The following KCTD17 variants were observed in gnomAD, a reference collection of about 807,000 sequenced individuals.
KCTD17 encodes BTB/POZ domain-containing protein KCTD17.
In KCTD17, 20 loss-of-function variants were observed where a neutral mutation model predicts 41.5. That is an observed-to-expected ratio of 0.48 (90% CI 0.34 to 0.70). The LOEUF (loss-of-function observed/expected upper bound fraction) is 0.70, where lower values mean the gene tolerates loss of function less well. KCTD17 is among the 30% of genes least tolerant of loss of function. The probability of loss-of-function intolerance (pLI) is 0.01; values close to 1 mark genes in which losing one functional copy is unlikely to be tolerated. For synonymous variants in KCTD17, 156 were observed against 173.8 expected (o/e 0.90, Z 0.80); for missense variants, 317 against 427.2 (o/e 0.74, Z 2.27).
At chr22:37,055,893 CCTT>C (rs1426621932) in intron 2 of KCTD17, among the ~76,000 whole-genome samples, 1 of 152,194 alleles carries the variant, frequency 6.6e-6, no homozygotes, top group African/African-American at 2.4e-5. Flanking sequence ...GAAAGTACCT[CCTT>C]CTAGTTCTGA....
intron 3 of KCTD17, among the ~76,000 whole-genome samples, chr22:37,056,919 C>CT (rs1925190360): frequency 6.6e-6 from 1 of 152,008 alleles, no homozygotes; most frequent in Non-Finnish European, 1.5e-5. Flanking sequence ...AAGAGATTTT[C>CT]CGCCTACTCT....
In KCTD17 at chr22:37,053,308, G is replaced by A; in HGVS notation, c.298+100G>A. The A allele has an allele frequency of 1.1e-6, 1 of 890,034 alleles. No homozygotes were observed. The highest frequency in any genetic ancestry group is 2.1e-5 in the Admixed American group (1 of 47,170). 55.1% of individuals were successfully genotyped at this position (890,034 alleles called of 1,614,324 possible). A position where few individuals can be genotyped will look rare whatever the true frequency, so the allele number is the denominator to read the frequency against. ...GGACAACCAGGACGGCCATCTGCCT[G>A]CTTGGTTGTTTCCTGCCTCTTCCCA... On this transcript the variant is annotated intron_variant, in intron 2 of 8. Coordinates refer to ENST00000403888, the MANE Select transcript of KCTD17 (RefSeq NM_001282684.2). The surrounding 1 kb of genome is among the most constrained non-coding windows in gnomAD (Gnocchi z 4.1).
Position 37,059,348 on chromosome 22 carries a change from C to T in KCTD17, c.522C>T (p.Ser174=), listed in dbSNP as rs577803443. 1.5e-5 allele frequency: 25 copies of T among 1,613,198 alleles called. No individual in the cohort carries two copies. The highest frequency in any genetic ancestry group is 6.6e-5 in the South Asian group (6 of 91,078). ...VNIGSSYNYG[S]EDQAEFLCVV... ...TCGGCTCCTCCTACAACTACGGCAG[C>T]GAGGACCAGGCAGAGTTCCTGTGTG... Residue 174 remains serine, a synonymous_variant, in exon 5 of 9, where the codon AGC becomes AGT. Coordinates refer to ENST00000403888, the MANE Select transcript of KCTD17 (RefSeq NM_001282684.2).
Position 37,062,660 on chromosome 22 carries a change from GCCT to G in KCTD17, c.*71_*73del, listed in dbSNP as rs1180334134. 4.5e-6 allele frequency: 7 copies of G among 1,564,366 alleles called. No individual in the cohort carries two copies. The highest frequency in any genetic ancestry group is 6.1e-6 in the Non-Finnish European group (7 of 1,154,190). On this transcript the variant is annotated 3_prime_UTR_variant, in exon 9 of 9. Coordinates refer to ENST00000403888, the MANE Select transcript of KCTD17 (RefSeq NM_001282684.2). ...AGAAGGAAGAAGCACCCTCTCCCCGGCCTCCTCTGTCTGCACCCGTGGGGCTGT... is the reference window on the plus strand; with the variant it reads ...AGAAGGAAGAAGCACCCTCTCCCCGGCCTCTGTCTGCACCCGTGGGGCTGT...
At position 37,061,933 on chromosome 22, in the gene KCTD17, C is replaced by A. The variant is rs1317173678; in HGVS notation, c.875+304C>A. ...CACTGCCTTGTGGCATCCCCTATTT[C>A]TGTGGGGATGGGGAGGACAGGCCAC... is the stretch of plus-strand genomic sequence containing the variant. On this transcript the variant is annotated intron_variant, in intron 8 of 8. Transcript: ENST00000403888. The surrounding 1 kb of genome is among the most constrained non-coding windows in gnomAD (Gnocchi z 6.6). The A allele has an allele frequency of 3.0e-6, 3 of 985,312 alleles. No individual in the cohort carries two copies. The highest frequency in any genetic ancestry group is 3.6e-6 in the Non-Finnish European group (3 of 829,924). The allele number at this position is 985,312 out of a possible 1,614,324, so 61.0% of individuals were successfully genotyped here.
Position 37,051,960 on chromosome 22 carries a change from C to T in KCTD17, c.189+11C>T. The T allele has an allele frequency of 3.4e-6, 5 of 1,451,852 alleles. No individual in the cohort carries two copies. The highest frequency in any genetic ancestry group is 4.5e-6 in the Non-Finnish European group (5 of 1,099,312). The allele number at this position is 1,451,852 out of a possible 1,614,324, so 89.9% of individuals were successfully genotyped here. A position where few individuals can be genotyped will look rare whatever the true frequency, so the allele number is the denominator to read the frequency against. ...CTGCAGTCGGACCGGGTGAGGCCCCCGGGGTGGGCGGCGAGCGGGCGGTGG... is the reference window on the plus strand; with the variant it reads ...CTGCAGTCGGACCGGGTGAGGCCCCTGGGGTGGGCGGCGAGCGGGCGGTGG... On this transcript the variant is annotated intron_variant, in intron 1 of 8. Coordinates refer to ENST00000403888, the MANE Select transcript of KCTD17 (RefSeq NM_001282684.2).
rs1287829964 is a variant in KCTD17, at chr22:37,057,503, G to T, written c.486+10G>T. On this transcript the variant is annotated intron_variant, in intron 4 of 8. Transcript: ENST00000403888. ...CTGGCGCTTCGAGCAGGTGCGCTGG[G>T]GACAGGGGCGTGCCACCAGGACAAC... 1 of 1,606,204 alleles carries T rather than the reference G, an allele frequency of 6.2e-7. No individual in the cohort carries two copies. Among genetic ancestry groups the T allele is most frequent in the South Asian group, 1.1e-5 (1 of 90,904 alleles).
chr22:37,059,728 G>T (rs1381079712), intron 5 of KCTD17, among the ~76,000 whole-genome samples: 3 of 152,194 alleles, frequency 2.0e-5, no homozygotes, highest in Admixed American at 6.5e-5. Context: ...ATGGACTAGG[G>T]GTCAGGGCAC....
Position 37,053,225 on chromosome 22 carries a change from G to A in KCTD17, c.298+17G>A, listed in dbSNP as rs763981778. 3.2e-6 allele frequency: 5 copies of A among 1,559,232 alleles called. No homozygotes were observed. The highest frequency in any genetic ancestry group is 3.5e-6 in the Non-Finnish European group (4 of 1,144,166). ...CTGAGGAGGGTGAGTTGGTCCAGGGGGCTGGCCTGGACCTTATGCAGCCTG... is the reference window on the plus strand; with the variant it reads ...CTGAGGAGGGTGAGTTGGTCCAGGGAGCTGGCCTGGACCTTATGCAGCCTG... On this transcript the variant is annotated intron_variant, in intron 2 of 8. Coordinates refer to ENST00000403888, the MANE Select transcript of KCTD17 (RefSeq NM_001282684.2). This position sits in a 1 kb window ranked among gnomAD's most constrained non-coding sequence, Gnocchi z 4.1.
intron 4 of KCTD17, among the ~76,000 whole-genome samples, chr22:37,058,665 TCTTATTTCTTAGC>T (rs1469684613): frequency 6.6e-6 from 1 of 152,132 alleles, no homozygotes; most frequent in East Asian, 1.9e-4. Context: ...GGAAGAACTT[TCTTATTTCTTAGC>T]CAGAAGGGCT....
intron 1 of KCTD17, chr22:37,052,746 A>G (rs1924645854): frequency 2.3e-6 from 1 of 444,250 alleles, no homozygotes; most frequent in Non-Finnish European, 4.6e-6. Context: ...CCTGGGGGCG[A>G]CAGTGGGGCT....
chr22:37,062,677 C>T lies in KCTD17; in HGVS notation c.*83C>T, dbSNP rs1015331233. ...TCTCCCCGGCCTCCTCTGTCTGCAC[C>T]CGTGGGGCTGTGACTTACTCCTGCC... On this transcript the variant is annotated 3_prime_UTR_variant, in exon 9 of 9. Transcript: ENST00000403888. 24 of 1,551,038 alleles carry T rather than the reference C, an allele frequency of 1.5e-5. No individual in the cohort carries two copies. The highest frequency in any genetic ancestry group is 1.9e-5 in the Admixed American group (1 of 51,346).
intron 3 of KCTD17, 139 bp from the exon 4 acceptor site, chr22:37,057,259 T>C: frequency 2.8e-6 from 2 of 724,456 alleles, no homozygotes; most frequent in Non-Finnish European, 2.5e-6. Context: ...CATGGCTGCC[T>C]CCCCCCAACC....
At position 37,060,898 on chromosome 22, in the gene KCTD17, G is replaced by T. The variant is rs1258843342; in HGVS notation, c.688G>T (p.Val230Leu). 1.3e-6 allele frequency: 2 copies of T among 1,542,670 alleles called. No homozygotes were observed. Among genetic ancestry groups the T allele is most frequent in the South Asian group, 2.4e-5 (2 of 82,076 alleles). Residue 230 changes from valine to leucine, a missense_variant, in exon 6 of 9, where the codon GTG becomes TTG. This residue lies in a region of KCTD17 where 177 missense variants were observed against 194.4 expected (regional missense o/e 0.91). Coordinates refer to ENST00000403888, the MANE Select transcript of KCTD17 (RefSeq NM_001282684.2). ...VEEVEVEQVQ[V>L]EADAQEKAQS... ...GGAGGTGGAGGTGGAACAGGTGCAG[G>T]TGGAGGCAGATGCACAGGAGAAAGG...
rs1248107860 is a variant in KCTD17 at position 37,056,396 on chromosome 22, C to T, written c.375C>T (p.Asp125=). Residue 125 remains aspartate (D), a synonymous_variant, in exon 3 of 9, where the codon GAC becomes GAT. Transcript: ENST00000403888. ...RIIKDRMEEK[D]YTVTQVPPKH... ...TCAAAGACCGGATGGAAGAGAAGGA[C>T]TACACGGTCACCCAGGTCGGGAGCA... 7 of 1,613,484 alleles carry T rather than the reference C, an allele frequency of 4.3e-6. No homozygotes were observed. In the East Asian group the frequency reaches 1.6e-4, roughly 36 times the overall value.
In KCTD17 at chr22:37,061,231, C is replaced by A. The variant is rs2145996214; in HGVS notation, c.784+56C>A. ...CCTCCTGGATCTCATCTGCACCCTG[C>A]CTCTTCCCTCTCTGCCCCTGTCCGG... On this transcript the variant is annotated intron_variant, in intron 7 of 8. Coordinates refer to ENST00000403888, the MANE Select transcript of KCTD17 (RefSeq NM_001282684.2). This position sits in a 1 kb window ranked among gnomAD's most constrained non-coding sequence, Gnocchi z 6.6. 1 of 1,548,380 alleles carries A rather than the reference C, an allele frequency of 6.5e-7. No individual in the cohort carries two copies. The highest frequency in any genetic ancestry group is 2.0e-5 in the Admixed American group (1 of 50,990).
chr22:37,056,702 G>A (rs1217928675), intron 3 of KCTD17, among the ~76,000 whole-genome samples: 1 of 152,234 alleles, frequency 6.6e-6, no homozygotes, highest in African/African-American at 2.4e-5. Flanking sequence ...ATAGAGAGGG[G>A]TGGGAATGGC....
At position 37,062,555 on chromosome 22, in the gene KCTD17, G is replaced by A. The variant is rs1925924284; in HGVS notation, c.906G>A (p.Glu302=). 2 of 1,613,224 alleles carry A rather than the reference G, an allele frequency of 1.2e-6. No homozygotes were observed. Among genetic ancestry groups the A allele is most frequent in the African/African-American group, 1.3e-5 (1 of 74,800 alleles). ...ACAAGCCAGAGGCACCCGGATGTGA[G>A]GCCCCAGATCACCTCCAGGGACTTG... ...CCYKPEAPGC[E]APDHLQGLGV... The change falls in exon 9 of 9, where the codon GAG becomes GAA. Residue 302 remains glutamate, a synonymous_variant. Transcript: ENST00000403888.
At chr22:37,056,573 G>A (rs1399480516) in intron 3 of KCTD17, among the ~76,000 whole-genome samples, 162 bp downstream of exon 3, 1 of 152,136 alleles carries the variant, frequency 6.6e-6, no homozygotes, top group East Asian at 1.9e-4. Context: ...GGGCTGACAG[G>A]CTGCCCAGCA....
Sources: gnomAD v4.1 joint callset for allele counts (sites outside exome capture counted in the v4.1 genomes callset) on GRCh38, gnomAD v4.1.1 for gene constraint, gnomAD v4.1.1 regional missense constraint, Gnocchi (gnomAD v3.1) non-coding constraint, MANE v1.5 for transcripts, NCBI Gene and HGNC (gene_info 2026-07-23, HGNC 2026-07-21) for gene names.